CD300LB: variants seen among roughly 807,000 people sequenced by gnomAD.
CD300LB encodes the protein CD300 molecule like family member b, also known as CMRF35-like molecule 7.
A neutral mutation model predicts 20.8 loss-of-function variants in CD300LB; 18 were observed. The ratio of observed to expected loss-of-function variants is 0.87; its 90% CI spans 0.60 to 1.28. The LOEUF (loss-of-function observed/expected upper bound fraction) is 1.28. Among genes scored for constraint, CD300LB ranks in the 50% most tolerant of loss-of-function variants. The pLI, the probability that CD300LB is intolerant of heterozygous loss-of-function variation, is 0.00. For missense variants in CD300LB, 222 were observed against 251.8 expected, an observed-to-expected ratio of 0.88 and a Z score of 0.80; for synonymous variants, 91 against 91.3, an observed-to-expected ratio of 1.00 and a Z score of 0.02.
Position 74,531,383 on chromosome 17 carries a change from T to C in CD300LB, c.-33A>G. 5 of 1,613,168 alleles carry C rather than the reference T, an allele frequency of 3.1e-6. No homozygotes were observed. The highest frequency in any genetic ancestry group is 1.3e-5 in the African/African-American group (1 of 74,994). ...CCTTCCCGGCTCCTCGTCCGCCTGA[T>C]CTGCAACCAGTGGCAAATGCAGATC... On this transcript the variant is annotated 5_prime_UTR_variant, in exon 1 of 4. Coordinates refer to ENST00000392621, the MANE Select transcript of CD300LB (RefSeq NM_174892.4).
chr17:74,531,015 A>G lies in CD300LB; in HGVS notation c.40+296T>C, dbSNP rs566313161. On this transcript the variant is annotated intron_variant, in intron 1 of 3. Coordinates refer to ENST00000392621, the MANE Select transcript of CD300LB (RefSeq NM_174892.4). Reference sequence around the variant, plus strand: ...AGACGAGGTCTCACCATGTTGCCCAAACTGGTCTTAAACGCCTGGACTCAA... The same window carrying G: ...AGACGAGGTCTCACCATGTTGCCCAGACTGGTCTTAAACGCCTGGACTCAA... Among the ~76,000 whole-genome samples, 166 of 152,162 alleles carry G rather than the reference A, an allele frequency of 1.1e-3. 1 individual carries two copies. Among genetic ancestry groups the G allele is most frequent in the African/African-American group, 3.9e-3 (162 of 41,512 alleles).
Position 74,521,560 on chromosome 17 carries a change from A to C in CD300LB, c.*1178T>G. 1.0e-6 allele frequency: 1 copy of C among 985,474 alleles called. No individual in the cohort carries two copies. Among genetic ancestry groups the C allele is most frequent in the Non-Finnish European group, 1.2e-6 (1 of 829,946 alleles). The allele number at this position is 985,474 out of a possible 1,614,324, so 61.0% of individuals were successfully genotyped here. ...AGTTTCTCTTTGGCTGAAGGACAAG[A>C]AGAGGGGAGGCTCTGGGTGCCATGC... is the stretch of plus-strand genomic sequence containing the variant. On this transcript the variant is annotated 3_prime_UTR_variant, in exon 4 of 4. Coordinates refer to ENST00000392621, the MANE Select transcript of CD300LB (RefSeq NM_174892.4).
At position 74,526,035 on chromosome 17, in the gene CD300LB, T is replaced by C. The variant is rs1236284308; in HGVS notation, c.83A>G (p.Glu28Gly). ...IQGPESVRAP[E>G]QGSLTVQCHY... ...GCATTGAACCGTCAGGGACCCCTGC[T>C]CTGGGGCTCTCACAGACTCTGGGCC... The change falls in exon 2 of 4, where the codon GAG (glutamate) becomes GGG (glycine). Residue 28 changes from glutamate to glycine, a missense_variant. Glu to Gly is a moderately conservative substitution (Grantham distance 98, BLOSUM62 -2). Coordinates refer to ENST00000392621, the MANE Select transcript of CD300LB (RefSeq NM_174892.4). The C allele has an allele frequency of 6.2e-7, 1 of 1,614,084 alleles. No individual in the cohort carries two copies. The highest frequency in any genetic ancestry group is 1.7e-5 in the Admixed American group (1 of 60,030).
chr17:74,529,480 C>T (rs1173597580), intron 1 of CD300LB, among the ~76,000 whole-genome samples: 2 of 152,126 alleles, frequency 1.3e-5, no homozygotes, highest in Non-Finnish European at 2.9e-5. Flanking sequence ...ATCAGCTGCA[C>T]TTGCCCTGAG....
intron 3 of CD300LB, 32 bp from the exon 4 acceptor site, chr17:74,522,932 G>A: frequency 3.7e-6 from 6 of 1,601,738 alleles, no homozygotes; most frequent in Non-Finnish European, 5.1e-6. Context: ...TCAGAGCCCT[G>A]GGCATCCCCA....
Position 74,522,649 on chromosome 17 carries a change from C to T in CD300LB, c.*89G>A. 1.3e-6 allele frequency: 2 copies of T among 1,564,338 alleles called. No homozygotes were observed. The highest frequency in any genetic ancestry group is 1.7e-6 in the Non-Finnish European group (2 of 1,154,728). On this transcript the variant is annotated 3_prime_UTR_variant, in exon 4 of 4. Transcript: ENST00000392621. The stretch of plus-strand genomic sequence containing the variant: ...CCCAGGGCCCCTATCTCAGTCACTG[C>T]ATCCCGAGGACTCGTAGATGTTCCT...
chr17:74,522,717 A>G lies in CD300LB; in HGVS notation c.*21T>C. On this transcript the variant is annotated 3_prime_UTR_variant, in exon 4 of 4. Coordinates refer to ENST00000392621, the MANE Select transcript of CD300LB (RefSeq NM_174892.4). ...TTCTGGAAACGTGGCCAGGGCAGGA[A>G]GGCTCTGCAGATCCATCTCTCTAAG... 1 of 1,613,664 alleles carries G rather than the reference A, an allele frequency of 6.2e-7. No individual in the cohort carries two copies. Among genetic ancestry groups the G allele is most frequent in the Non-Finnish European group, 8.5e-7 (1 of 1,179,674 alleles).
intron 3 of CD300LB, 199 bp from the exon 4 acceptor site, chr17:74,523,099 C>T (rs1907932381): frequency 1.7e-6 from 1 of 579,038 alleles, no homozygotes; most frequent in Middle Eastern, 4.6e-4. Context: ...TGCACGGGGC[C>T]CATCTTCCTT....
Position 74,521,792 on chromosome 17 carries a change from G to C in CD300LB, c.*946C>G. On this transcript the variant is annotated 3_prime_UTR_variant, in exon 4 of 4. Transcript: ENST00000392621. ...GGTGTGAGGGTCCCTCAACCATACAGCACAAAGTGACCACATTCAAGGGCC... is the reference window on the plus strand; with the variant it reads ...GGTGTGAGGGTCCCTCAACCATACACCACAAAGTGACCACATTCAAGGGCC... The C allele has an allele frequency of 1.0e-6, 1 of 985,586 alleles. No homozygotes were observed. Among genetic ancestry groups the C allele is most frequent in the African/African-American group, 1.7e-5 (1 of 57,356 alleles). 61.1% of individuals were successfully genotyped at this position (985,586 alleles called of 1,614,324 possible).
At chr17:74,526,877 G>A (rs183821248) in intron 1 of CD300LB, among the ~76,000 whole-genome samples, 10 of 152,260 alleles carry the variant, frequency 6.6e-5, no homozygotes, top group East Asian at 3.9e-4. Flanking sequence ...AGCACACTGC[G>A]GGGGTACCCA....
chr17:74,521,410 G>A lies in CD300LB; in HGVS notation c.*1328C>T, dbSNP rs1907875445. ...AGGGCCCTGGGGCTGGTGGACTGTGGGTCTTGGTCCCTCACAGAATGACTC... is the reference window on the plus strand; with the variant it reads ...AGGGCCCTGGGGCTGGTGGACTGTGAGTCTTGGTCCCTCACAGAATGACTC... On this transcript the variant is annotated 3_prime_UTR_variant, in exon 4 of 4. Coordinates refer to ENST00000392621, the MANE Select transcript of CD300LB (RefSeq NM_174892.4). 9.1e-6 allele frequency: 9 copies of A among 985,422 alleles called. No individual in the cohort carries two copies. Among genetic ancestry groups the A allele is most frequent in the Non-Finnish European group, 9.6e-6 (8 of 830,020 alleles). The allele number at this position is 985,422 out of a possible 1,614,324, so 61.0% of individuals were successfully genotyped here. A position where few individuals can be genotyped will look rare whatever the true frequency, so the allele number is the denominator to read the frequency against.
chr17:74,522,719 G>C lies in CD300LB; in HGVS notation c.*19C>G, dbSNP rs908965379. The C allele has an allele frequency of 3.7e-6, 6 of 1,613,694 alleles. No homozygotes were observed. Among genetic ancestry groups the C allele is most frequent in the Non-Finnish European group, 5.1e-6 (6 of 1,179,788 alleles). The stretch of plus-strand genomic sequence containing the variant: ...CTGGAAACGTGGCCAGGGCAGGAAG[G>C]CTCTGCAGATCCATCTCTCTAAGTG... On this transcript the variant is annotated 3_prime_UTR_variant, in exon 4 of 4. Transcript: ENST00000392621.
At chr17:74,523,465 T>C in intron 3 of CD300LB, 114 bp downstream of exon 3, 1 of 776,774 alleles carries the variant, frequency 1.3e-6, no homozygotes, top group South Asian at 1.4e-5. Flanking sequence ...GCTTGGGGCC[T>C]TGACTCTGGC....
intron 1 of CD300LB, among the ~76,000 whole-genome samples, chr17:74,528,804 T>C (rs1223524110): frequency 2.0e-5 from 3 of 152,226 alleles, no homozygotes; most frequent in African/African-American, 4.8e-5. Flanking sequence ...AAGACAGTCA[T>C]GCTACGCTCT....
chr17:74,530,864 G>A (rs746149760), intron 1 of CD300LB, among the ~76,000 whole-genome samples: 6 of 151,642 alleles, frequency 4.0e-5, no homozygotes, highest in Non-Finnish European at 5.9e-5. Flanking sequence ...GGAGTGCTGT[G>A]GTGCGATCAT....
At position 74,522,112 on chromosome 17, in the gene CD300LB, C is replaced by T. The variant is rs527296496; in HGVS notation, c.*626G>A. ...GAGGTGGGAGGGGGAGGACAAGCAC[C>T]GGGCCGGGCCAGGGAGGTTCCCATT... is the stretch of plus-strand genomic sequence containing the variant. On this transcript the variant is annotated 3_prime_UTR_variant, in exon 4 of 4. Coordinates refer to ENST00000392621, the MANE Select transcript of CD300LB (RefSeq NM_174892.4). The T allele has an allele frequency of 8.2e-5, 81 of 985,128 alleles. No individual in the cohort carries two copies. The highest frequency in any genetic ancestry group is 8.0e-5 in the Non-Finnish European group (66 of 829,774). 61.0% of individuals were successfully genotyped at this position (985,128 alleles called of 1,614,324 possible). A position where few individuals can be genotyped will look rare whatever the true frequency, so the allele number is the denominator to read the frequency against.
In CD300LB at chr17:74,521,824, C is replaced by G. The variant is rs1007202190; in HGVS notation, c.*914G>C. 5 of 985,362 alleles carry G rather than the reference C, an allele frequency of 5.1e-6. No individual in the cohort carries two copies. Among genetic ancestry groups the G allele is most frequent in the Middle Eastern group, 1.0e-3 (2 of 1,936 alleles). 61.0% of individuals were successfully genotyped at this position (985,362 alleles called of 1,614,324 possible). On this transcript the variant is annotated 3_prime_UTR_variant, in exon 4 of 4. Transcript: ENST00000392621. ...GTGACCACATTCAAGGGCCTCATCG[C>G]CGTGGGTGAAGCCTGTGAGGAGACA...
At position 74,525,847 on chromosome 17, in the gene CD300LB, T is replaced by A. The variant is rs200690181; in HGVS notation, c.271A>T (p.Met91Leu). 1.2e-6 allele frequency: 2 copies of A among 1,614,128 alleles called. No individual in the cohort carries two copies. The highest frequency in any genetic ancestry group is 1.6e-4 in the Middle Eastern group (1 of 6,062). The change falls in exon 2 of 4, where the codon ATG (methionine) becomes TTG (leucine). Residue 91 changes from methionine to leucine, a missense_variant. By Grantham distance (15) the Met-to-Leu change is conservative. Transcript: ENST00000392621. ...NQKDRTFTVT[M>L]EGLRRDDADV... ...GCGTCATCTCGCCTGAGCCCCTCCA[T>A]GGTCACAGTGAACGTGCGGTCTTTC...
intron 1 of CD300LB, among the ~76,000 whole-genome samples, chr17:74,527,148 T>C (rs567802691): frequency 6.6e-6 from 1 of 152,296 alleles, no homozygotes; most frequent in South Asian, 2.1e-4. Flanking sequence ...AGTGGAGCAA[T>C]TGGATGTGGC....
Sources: gnomAD v4.1 joint callset for allele counts (sites outside exome capture counted in the v4.1 genomes callset) on GRCh38, gnomAD v4.1.1 for gene constraint, MANE v1.5 for transcripts, NCBI Gene and HGNC (gene_info 2026-07-23, HGNC 2026-07-21) for gene names.